Variants in C3orf49 observed in about 807,000 individuals in gnomAD.
The protein encoded by C3orf49 is putative uncharacterized protein C3orf49.
A neutral mutation model predicts 13.3 loss-of-function variants in C3orf49; 27 were observed. The observed-to-expected ratio is 2.02, with a 90% CI of 1.49 to 2.79. The LOEUF (loss-of-function observed/expected upper bound fraction) is 2.79, where lower values mean the gene tolerates loss of function less well. C3orf49 is among the 30% of genes most tolerant of loss of function. C3orf49 has a pLI of 0.00. For missense variants in C3orf49, 242 were observed against 134.2 expected, an observed-to-expected ratio of 1.80 and a Z score of -3.97; for synonymous variants, 87 against 47.6, an observed-to-expected ratio of 1.83 and a Z score of -3.40.
intron 5 of C3orf49, among the ~76,000 whole-genome samples, chr3:63,843,243 C>T (rs1208488873): frequency 6.6e-6 from 1 of 152,084 alleles, no homozygotes; most frequent in Non-Finnish European, 1.5e-5. Context: ...CTCAGCCTTC[C>T]GAGCAGCTGG....
At chr3:63,781,007 G>C in the C3orf49 span, among the ~76,000 whole-genome samples, 1 of 151,260 alleles carries the variant, frequency 6.6e-6, no homozygotes, top group Non-Finnish European at 1.5e-5. Context: ...GATCCCATTT[G>C]TCAATTTTGT....
chr3:63,831,685 T>C lies in C3orf49; in HGVS notation c.690T>C (p.Asp230=). Residue 230 remains aspartate (D), a synonymous_variant, in exon 5 of 7, where the codon GAT becomes GAC. Coordinates refer to ENST00000295896, the MANE Select transcript of C3orf49 (RefSeq NM_001355236.2). ...TTTGTATTTATCTGTCATAGGTGGA[T>C]GACCTCATAGAAACAGTGACTGATA... ...LTVGKLQMQV[D]DLIETVTDKS... is the part of the protein sequence containing the mutation. 1.4e-6 allele frequency: 1 copy of C among 703,058 alleles called. No homozygotes were observed. Among genetic ancestry groups the C allele is most frequent in the Middle Eastern group, 2.3e-4 (1 of 4,372 alleles). The allele number at this position is 703,058 out of a possible 1,614,324, so 43.6% of individuals were successfully genotyped here.
chr3:63,781,130 A>C, the C3orf49 span, among the ~76,000 whole-genome samples: 31 of 150,848 alleles, frequency 2.1e-4, no homozygotes, highest in East Asian at 3.9e-3. Flanking sequence ...TAGGTCTAAC[A>C]TTTAAGTCTT....
At chr3:63,836,355 T>C in intron 5 of C3orf49, 1 of 1,612,322 alleles carries the variant, frequency 6.2e-7, no homozygotes, top group Admixed American at 1.7e-5. Flanking sequence ...CAAAGCATCA[T>C]ATTCTGTAAG....
chr3:63,806,079 G>C, the C3orf49 span, among the ~76,000 whole-genome samples: 2 of 152,168 alleles, frequency 1.3e-5, no homozygotes, highest in East Asian at 3.8e-4. Flanking sequence ...CCTGCACAAA[G>C]GATAAGCCAG....
At chr3:63,785,196 C>T in the C3orf49 span, among the ~76,000 whole-genome samples, 5 of 151,396 alleles carry the variant, frequency 3.3e-5, no homozygotes, top group South Asian at 2.1e-4. Flanking sequence ...CTCAGCCTCC[C>T]GAGTAGCTGG....
the C3orf49 span, among the ~76,000 whole-genome samples, chr3:63,806,345 G>A: frequency 6.6e-6 from 1 of 152,130 alleles, no homozygotes; most frequent in Admixed American, 6.6e-5. Context: ...GTGTTTCCTG[G>A]GATCAGCTCC....
intron 3 of C3orf49, among the ~76,000 whole-genome samples, chr3:63,828,459 T>C (rs950484734): frequency 6.6e-6 from 1 of 152,098 alleles, no homozygotes; most frequent in Non-Finnish European, 1.5e-5. Context: ...ACAACCATGC[T>C]TGGTTAATTT....
intron 5 of C3orf49, among the ~76,000 whole-genome samples, chr3:63,832,444 A>G (rs1036933613): frequency 6.6e-6 from 1 of 152,168 alleles, no homozygotes; most frequent in Non-Finnish European, 1.5e-5. Context: ...GGATCACGTG[A>G]ACCCAGGAGT....
chr3:63,791,572 T>C, the C3orf49 span, among the ~76,000 whole-genome samples: 2 of 152,188 alleles, frequency 1.3e-5, no homozygotes, highest in African/African-American at 2.4e-5. Context: ...TAAAAAATAC[T>C]GATGCCTGGG....
intron 2 of C3orf49, among the ~76,000 whole-genome samples, chr3:63,825,993 C>G (rs1348684180): frequency 6.6e-6 from 1 of 152,080 alleles, no homozygotes; most frequent in Non-Finnish European, 1.5e-5. Flanking sequence ...GGGGGGAGAA[C>G]AGTTTCCCAG....
At chr3:63,787,539 T>C in the C3orf49 span, among the ~76,000 whole-genome samples, 10 of 152,170 alleles carry the variant, frequency 6.6e-5, no homozygotes, top group Non-Finnish European at 1.3e-4. Context: ...CAATACCCTT[T>C]TTTAAAAAAA....
intron 5 of C3orf49, chr3:63,833,979 G>C (rs1701572269): frequency 1.5e-6 from 1 of 671,814 alleles, no homozygotes; most frequent in African/African-American, 1.9e-5. Context: ...ATTTTCCTTT[G>C]TGAGAGGAAA....
At position 63,848,626 on chromosome 3, in the gene C3orf49, A is replaced by G. The variant is rs1701954720; in HGVS notation, c.*293A>G. 1 of 152,112 alleles carries G rather than the reference A, an allele frequency of 6.6e-6. No homozygotes were observed. Among genetic ancestry groups the G allele is most frequent in the African/African-American group, 2.4e-5 (1 of 41,432 alleles). 9.4% of individuals were successfully genotyped at this position (152,112 alleles called of 1,614,324 possible). A position where few individuals can be genotyped will look rare whatever the true frequency, so the allele number is the denominator to read the frequency against. On this transcript the variant is annotated 3_prime_UTR_variant, in exon 7 of 7. Transcript: ENST00000295896. ...TTTAACCTTGGCAAAATAAACTCCT[A>G]AATTGATTAAGACTTGTCTCAGATA...
Position 63,834,172 on chromosome 3 carries a change from T to G in C3orf49, c.849+2328T>G, listed in dbSNP as rs145228857. On this transcript the variant is annotated intron_variant, in intron 5 of 6. Coordinates refer to ENST00000295896, the MANE Select transcript of C3orf49 (RefSeq NM_001355236.2). ...TGTTTCCATGCTTGCTTCCTGAGCT[T>G]CTTCTACCTCTGAGAGTTTTTCATC... The G allele has an allele frequency of 6.8e-5, 110 of 1,614,058 alleles. No individual in the cohort carries two copies. The highest frequency in any genetic ancestry group is 1.5e-4 in the Admixed American group (9 of 60,020).
chr3:63,800,426 G>T, the C3orf49 span, among the ~76,000 whole-genome samples: 6 of 151,950 alleles, frequency 3.9e-5, no homozygotes, highest in African/African-American at 1.5e-4. Context: ...AAGGCATTGC[G>T]CTTGCTCAGC....
intron 5 of C3orf49, among the ~76,000 whole-genome samples, chr3:63,840,624 C>T (rs1378181561): frequency 6.6e-6 from 1 of 152,148 alleles, no homozygotes; most frequent in Non-Finnish European, 1.5e-5. Flanking sequence ...TAAAAAAATA[C>T]AGATGACAAT....
chr3:63,788,011 C>A, the C3orf49 span, among the ~76,000 whole-genome samples: 10 of 152,270 alleles, frequency 6.6e-5, no homozygotes, highest in East Asian at 1.9e-3. Flanking sequence ...AACTTCAGGT[C>A]AAACACAATG....
At chr3:63,806,614 A>T in the C3orf49 span, among the ~76,000 whole-genome samples, 3 of 152,118 alleles carry the variant, frequency 2.0e-5, no homozygotes, top group Non-Finnish European at 4.4e-5. Context: ...TCATCTTTCC[A>T]TACGTCCCTT....
Sources: gnomAD v4.1 joint callset for allele counts (sites outside exome capture counted in the v4.1 genomes callset) on GRCh38, gnomAD v4.1.1 for gene constraint, MANE v1.5 for transcripts, NCBI Gene and HGNC (gene_info 2026-07-23, HGNC 2026-07-21) for gene names.